TBC1D16: variants seen among roughly 807,000 people sequenced by gnomAD.
TBC1D16 encodes the protein TBC1 domain family member 16.
A neutral mutation model predicts 74.7 loss-of-function variants in TBC1D16; 58 were observed. The observed-to-expected ratio is 0.78, with a 90% CI of 0.63 to 0.97. The LOEUF (loss-of-function observed/expected upper bound fraction) is 0.97. TBC1D16 is among the 50% of genes least tolerant of loss of function. TBC1D16 has a pLI of 0.00. For synonymous variants in TBC1D16, 493 were observed against 474.7 expected (o/e 1.04, Z -0.50); for missense variants, 1,014 against 1,079.5 (o/e 0.94, Z 0.85).
rs916115549 is a variant in TBC1D16 at position 79,988,858 on chromosome 17, G to A, written c.779+21302C>T. Among the ~76,000 whole-genome samples, 24 of 152,170 alleles carry A rather than the reference G, an allele frequency of 1.6e-4. No homozygotes were observed. Among genetic ancestry groups the A allele is most frequent in the African/African-American group, 5.3e-4 (22 of 41,432 alleles). ...CCGTGGAAGTCCTCAGCCTGGTCCC[G>A]TCTTCTGGGCTCTGCTGGGCTGGAC... On this transcript the variant is annotated intron_variant, in intron 3 of 11. Coordinates refer to ENST00000310924, the MANE Select transcript of TBC1D16 (RefSeq NM_019020.4). This position sits in a 1 kb window ranked among gnomAD's most constrained non-coding sequence, Gnocchi z 5.7.
chr17:80,005,143 G>A lies in TBC1D16; in HGVS notation c.779+5017C>T, dbSNP rs145715725. Among the ~76,000 whole-genome samples, 19 of 152,232 alleles carry A rather than the reference G, an allele frequency of 1.2e-4. No individual in the cohort carries two copies. In the East Asian group the frequency reaches 1.5e-3, roughly 12 times the overall value. Reference sequence around the variant, plus strand: ...CACCCAGGCTTGAGTGCACTGGTGCGATCATGGCTCACTGCAGCCTCCACC... The same window carrying A: ...CACCCAGGCTTGAGTGCACTGGTGCAATCATGGCTCACTGCAGCCTCCACC... On this transcript the variant is annotated intron_variant, in intron 3 of 11. Transcript: ENST00000310924.
In TBC1D16 at chr17:80,013,494, C is replaced by A; in HGVS notation, c.54G>T (p.Leu18=). The part of the protein sequence containing the change: ...RRASSKASDL[L]TLTPGGSGSG... ...TGCCGCTGCCACCGGGGGTGAGGGTCAGGAGGTCCGAGGCTTTGGAGGAGG... is the reference window on the plus strand; with the variant it reads ...TGCCGCTGCCACCGGGGGTGAGGGTAAGGAGGTCCGAGGCTTTGGAGGAGG... Residue 18 remains leucine, a synonymous_variant, in exon 2 of 12, where the codon CTG becomes CTT. Coordinates refer to ENST00000310924, the MANE Select transcript of TBC1D16 (RefSeq NM_019020.4). The A allele has an allele frequency of 6.3e-7, 1 of 1,583,934 alleles. No homozygotes were observed. Among genetic ancestry groups the A allele is most frequent in the Non-Finnish European group, 8.6e-7 (1 of 1,166,036 alleles).
At position 79,979,914 on chromosome 17, in the gene TBC1D16, G is replaced by A. The variant is rs2034506334; in HGVS notation, c.780-27096C>T. On this transcript the variant is annotated intron_variant, in intron 3 of 11. Coordinates refer to ENST00000310924, the MANE Select transcript of TBC1D16 (RefSeq NM_019020.4). The surrounding 1 kb of genome is among the most constrained non-coding windows in gnomAD (Gnocchi z 4.8). ...TGGGCTCTGCGGGCCAGAGCTTGGG[G>A]CGCAGGAGGCCAAGGTCCAGGTCCC... Among the ~76,000 whole-genome samples, 1 of 152,076 alleles carries A rather than the reference G, an allele frequency of 6.6e-6. No individual in the cohort carries two copies. Among genetic ancestry groups the A allele is most frequent in the Non-Finnish European group, 1.5e-5 (1 of 68,004 alleles).
intron 1 of TBC1D16, among the ~76,000 whole-genome samples, chr17:80,028,137 G>C (rs920454794): frequency 3.9e-5 from 6 of 151,952 alleles, no homozygotes; most frequent in African/African-American, 1.5e-4. Flanking sequence ...TGATGGAAAG[G>C]ATAGCAATGC....
At chr17:80,019,231 A>G (rs1369084267) in intron 1 of TBC1D16, among the ~76,000 whole-genome samples, 1 of 150,178 alleles carries the variant, frequency 6.7e-6, no homozygotes, top group African/African-American at 2.5e-5. Context: ...AGTGTTCAAA[A>G]TACAGCATTT....
At chr17:79,999,298 A>T (rs2035395284) in intron 3 of TBC1D16, among the ~76,000 whole-genome samples, 1 of 151,964 alleles carries the variant, frequency 6.6e-6, no homozygotes, top group Non-Finnish European at 1.5e-5. Flanking sequence ...GCCAATTAAC[A>T]TACATTGTGT....
rs775079002 is a variant in TBC1D16 at position 79,985,572 on chromosome 17, G to A, written c.779+24588C>T. Among the ~76,000 whole-genome samples, 8 of 152,224 alleles carry A rather than the reference G, an allele frequency of 5.3e-5. No individual in the cohort carries two copies. Among genetic ancestry groups the A allele is most frequent in the Admixed American group, 2.6e-4 (4 of 15,282 alleles). On this transcript the variant is annotated intron_variant, in intron 3 of 11. Transcript: ENST00000310924. The surrounding 1 kb of genome is among the most constrained non-coding windows in gnomAD (Gnocchi z 4.9). ...GGGCACTGGCCTGGCACTCACGCTC[G>A]GGGTGGGGGGCATCCCAGGCCCTGA...
chr17:79,987,485 G>A lies in TBC1D16; in HGVS notation c.779+22675C>T, dbSNP rs530923508. 6.6e-5 allele frequency among the ~76,000 whole-genome samples: 10 copies of A among 152,192 alleles called. No individual in the cohort carries two copies. The highest frequency in any genetic ancestry group is 6.2e-4 in the South Asian group (3 of 4,822). On this transcript the variant is annotated intron_variant, in intron 3 of 11. Coordinates refer to ENST00000310924, the MANE Select transcript of TBC1D16 (RefSeq NM_019020.4). The surrounding 1 kb of genome is among the most constrained non-coding windows in gnomAD (Gnocchi z 5.2). ...TGATCTTGAACTCCTGGGCTCAAGCGCTCCTCCTGCCTCGGCCTCCCAAAG... is the reference window on the plus strand; with the variant it reads ...TGATCTTGAACTCCTGGGCTCAAGCACTCCTCCTGCCTCGGCCTCCCAAAG...
rs758736006 is a variant in TBC1D16, at chr17:80,010,771, G to A, written c.182-14C>T. 4 of 1,473,860 alleles carry A rather than the reference G, an allele frequency of 2.7e-6. No individual in the cohort carries two copies. The highest frequency in any genetic ancestry group is 1.5e-5 in the South Asian group (1 of 68,430). 91.3% of individuals were successfully genotyped at this position (1,473,860 alleles called of 1,614,324 possible). On this transcript the variant is annotated splice_polypyrimidine_tract_variant and intron_variant, in intron 2 of 11. Transcript: ENST00000310924. This position sits in a 1 kb window ranked among gnomAD's most constrained non-coding sequence, Gnocchi z 8.8. Reference sequence around the variant, plus strand: ...AGCACAGGTAACCTGTGAGGAGCCAGGGGGATGGCACGTTAGAGGCCAGGA... The same window carrying A: ...AGCACAGGTAACCTGTGAGGAGCCAAGGGGATGGCACGTTAGAGGCCAGGA...
intron 1 of TBC1D16, among the ~76,000 whole-genome samples, chr17:80,025,181 A>G (rs28738849): frequency 0.98 from 131,856 of 134,292 alleles, 64,891 homozygotes; most frequent in Non-Finnish European, 0.99. Flanking sequence ...AGACACACAC[A>G]TACCATGACA....
chr17:79,983,339 T>C lies in TBC1D16; in HGVS notation c.779+26821A>G, dbSNP rs913825946. On this transcript the variant is annotated intron_variant, in intron 3 of 11. Transcript: ENST00000310924. This position sits in a 1 kb window ranked among gnomAD's most constrained non-coding sequence, Gnocchi z 5.6. The stretch of plus-strand genomic sequence containing the variant: ...GTGTCTTAGGAGGTTGAGTGCACAT[T>C]GCAGGGCCCAGGGGCCCCTCGGAGG... Among the ~76,000 whole-genome samples the C allele has an allele frequency of 2.6e-5, 4 of 152,312 alleles. No individual in the cohort carries two copies. The highest frequency in any genetic ancestry group is 9.6e-5 in the African/African-American group (4 of 41,570).
Position 79,940,901 on chromosome 17 carries a change from C to A in TBC1D16, c.2262G>T (p.Lys754Asn). 6.3e-7 allele frequency: 1 copy of A among 1,582,510 alleles called. No individual in the cohort carries two copies. Among genetic ancestry groups the A allele is most frequent in the South Asian group, 1.1e-5 (1 of 88,236 alleles). ...PSPKSLREGKKGPKTPQDGFG... is the reference protein window; with the variant it reads ...PSPKSLREGKNGPKTPQDGFG... ...AGCCGTCCTGCGGCGTCTTTGGGCC[C>A]TTCTTGCCTTCCCTCAGGGACTTGG... The change falls in exon 12 of 12, where the codon AAG becomes AAT. Residue 754 changes from lysine (K) to asparagine (N), a missense_variant. Transcript: ENST00000310924. This position sits in a 1 kb window ranked among gnomAD's most constrained non-coding sequence, Gnocchi z 5.4.
At chr17:79,949,136 C>A in intron 7 of TBC1D16, 130 bp from the exon 8 acceptor site, 1 of 1,204,036 alleles carries the variant, frequency 8.3e-7, no homozygotes, top group Non-Finnish European at 1.2e-6. Flanking sequence ...CGGCTGCTGC[C>A]GGCTGCAGAC....
At chr17:80,029,428 C>T (rs2036699983) in intron 1 of TBC1D16, among the ~76,000 whole-genome samples, 1 of 152,022 alleles carries the variant, frequency 6.6e-6, no homozygotes, top group African/African-American at 2.4e-5. Flanking sequence ...TGTTCCCTTC[C>T]CGTCCCCTAG....
intron 3 of TBC1D16, among the ~76,000 whole-genome samples, chr17:79,996,468 T>A (rs999202783): frequency 8.6e-5 from 13 of 151,898 alleles, no homozygotes; most frequent in Non-Finnish European, 1.6e-4. Context: ...TTAAAAAAAA[T>A]AATAGTGACA....
intron 3 of TBC1D16, among the ~76,000 whole-genome samples, chr17:79,977,716 G>A (rs1342807177): frequency 1.3e-5 from 2 of 152,218 alleles, no homozygotes; most frequent in African/African-American, 4.8e-5. Flanking sequence ...GGCATAATTA[G>A]CATCACACAC....
At chr17:80,011,807 C>CG (rs1266796044) in intron 2 of TBC1D16, among the ~76,000 whole-genome samples, 1 of 149,288 alleles carries the variant, frequency 6.7e-6, no homozygotes, top group African/African-American at 2.5e-5. Context: ...GCCTGGATGA[C>CG]AGAGCGAGAC....
chr17:79,958,875 C>G (rs1045882783), intron 3 of TBC1D16, among the ~76,000 whole-genome samples: 1 of 152,178 alleles, frequency 6.6e-6, no homozygotes, highest in Non-Finnish European at 1.5e-5. Flanking sequence ...CTAGTCCATG[C>G]TCTCACAGAG....
In TBC1D16 at chr17:80,002,018, T is replaced by C. The variant is rs199840131; in HGVS notation, c.779+8142A>G. 5.5e-4 allele frequency among the ~76,000 whole-genome samples: 84 copies of C among 152,152 alleles called. No individual in the cohort carries two copies. In the East Asian group the frequency reaches 6.0e-3, roughly 11 times the overall value. ...TTCGCCCACCTCCAGGAGTTTCTAA[T>C]CCTCCTCGGGCTTGCCTGGAGGGTT... On this transcript the variant is annotated intron_variant, in intron 3 of 11. Coordinates refer to ENST00000310924, the MANE Select transcript of TBC1D16 (RefSeq NM_019020.4).
Sources: allele counts gnomAD v4.1 joint callset (sites outside exome capture counted in the v4.1 genomes callset), GRCh38; gene constraint gnomAD v4.1.1; non-coding constraint Gnocchi (gnomAD v3.1); transcripts MANE v1.5; gene names NCBI Gene and HGNC (gene_info 2026-07-23, HGNC 2026-07-21).